RFX1: variants seen among roughly 807,000 people sequenced by gnomAD.
RFX1 encodes the protein regulatory factor X1, also known as MHC class II regulatory factor RFX1.
In RFX1, 42 loss-of-function variants were observed where a neutral mutation model predicts 119.6. The ratio of observed to expected loss-of-function variants is 0.35; its 90% CI spans 0.27 to 0.45. The LOEUF (loss-of-function observed/expected upper bound fraction) is 0.45. Among genes scored for constraint, RFX1 ranks in the 20% least tolerant of loss-of-function variants. The pLI is 1.00. For synonymous variants in RFX1, 628 were observed against 618.5 expected, an observed-to-expected ratio of 1.02 and a Z score of -0.23; for missense variants, 1,118 against 1,368.1, an observed-to-expected ratio of 0.82 and a Z score of 2.88.
intron 2 of RFX1, among the ~76,000 whole-genome samples, chr19:13,989,759 G>C (rs1381142462): frequency 6.6e-6 from 1 of 152,148 alleles, no homozygotes; most frequent in Non-Finnish European, 1.5e-5. Flanking sequence ...GATGTGACGG[G>C]ACCTAATGGA....
At chr19:13,988,799 T>C (rs2145608937) in intron 2 of RFX1, among the ~76,000 whole-genome samples, 1 of 152,278 alleles carries the variant, frequency 6.6e-6, no homozygotes, top group South Asian at 2.1e-4. Flanking sequence ...GGCAGGCAGA[T>C]TACTTGAGGT....
chr19:13,969,747 G>A lies in RFX1; in HGVS notation c.1496+247C>T, dbSNP rs1974015027. ...TGGGGGGTGTCGGGCAGGGGAGAGG[G>A]GGAGGCTGCAGTTTTAGTTGAGGCA... On this transcript the variant is annotated intron_variant, in intron 10 of 20. Coordinates refer to ENST00000254325, the MANE Select transcript of RFX1 (RefSeq NM_002918.5). This position sits in a 1 kb window ranked among gnomAD's most constrained non-coding sequence, Gnocchi z 4.5. 1 of 447,560 alleles carries A rather than the reference G, an allele frequency of 2.2e-6. No individual in the cohort carries two copies. 27.7% of individuals were successfully genotyped at this position (447,560 alleles called of 1,614,324 possible).
intron 2 of RFX1, among the ~76,000 whole-genome samples, chr19:13,987,470 G>C (rs1974641064): frequency 6.6e-6 from 1 of 152,072 alleles, no homozygotes; most frequent in Non-Finnish European, 1.5e-5. Context: ...CTGGGTCCCT[G>C]GTCAGCTCCG....
In RFX1 at chr19:13,982,373, G is replaced by A. The variant is rs112233332; in HGVS notation, c.514-145C>T. ...CGCCCTGACAGCCCTGATGAAGCTC[G>A]GCTACTGCCCCCACTTCACAGAGGG... On this transcript the variant is annotated intron_variant, in intron 4 of 20. Transcript: ENST00000254325. The A allele has an allele frequency of 4.2e-3, 1,709 of 408,306 alleles. 30 individuals are homozygous for A. The highest frequency in any genetic ancestry group is 0.032 in the African/African-American group (1,553 of 48,196). 25.3% of individuals were successfully genotyped at this position (408,306 alleles called of 1,614,324 possible).
At position 13,983,089 on chromosome 19, in the gene RFX1, C is replaced by T. The variant is rs1974478798; in HGVS notation, c.513+98G>A. 8.5e-6 allele frequency: 8 copies of T among 945,796 alleles called. No individual in the cohort carries two copies. The South Asian group carries it at 9.3e-5, about 11-fold the overall frequency. 58.6% of individuals were successfully genotyped at this position (945,796 alleles called of 1,614,324 possible). ...GCAGCCCCTGGATGGGGACTCTTCCCTCCATCCTGGTGAGGACAGATCCAG... is the reference window on the plus strand; with the variant it reads ...GCAGCCCCTGGATGGGGACTCTTCCTTCCATCCTGGTGAGGACAGATCCAG... On this transcript the variant is annotated intron_variant, in intron 4 of 20. Coordinates refer to ENST00000254325, the MANE Select transcript of RFX1 (RefSeq NM_002918.5).
rs1230396707 is a variant in RFX1, at chr19:13,993,893, T to C, written c.-50A>G. ...AAATAAGGCTTTTTTTTTTTTTTAA[T>C]TCCTTGGGAAGAAAGACGGGGATGG... On this transcript the variant is annotated splice_region_variant and 5_prime_UTR_variant, in exon 2 of 21. Transcript: ENST00000254325. 5 of 1,386,410 alleles carry C rather than the reference T, an allele frequency of 3.6e-6. No individual in the cohort carries two copies. The highest frequency in any genetic ancestry group is 5.0e-5 in the Admixed American group (2 of 40,306). The allele number at this position is 1,386,410 out of a possible 1,614,324, so 85.9% of individuals were successfully genotyped here.
chr19:13,969,733 G>C lies in RFX1; in HGVS notation c.1496+261C>G. 1 of 430,286 alleles carries C rather than the reference G, an allele frequency of 2.3e-6. No homozygotes were observed. The highest frequency in any genetic ancestry group is 4.1e-6 in the Non-Finnish European group (1 of 242,484). 26.7% of individuals were successfully genotyped at this position (430,286 alleles called of 1,614,324 possible). A position where few individuals can be genotyped will look rare whatever the true frequency, so the allele number is the denominator to read the frequency against. ...AAATAAAGCAGGGTTGGGGGGTGTCGGGCAGGGGAGAGGGGGAGGCTGCAG... is the reference window on the plus strand; with the variant it reads ...AAATAAAGCAGGGTTGGGGGGTGTCCGGCAGGGGAGAGGGGGAGGCTGCAG... On this transcript the variant is annotated intron_variant, in intron 10 of 20. Coordinates refer to ENST00000254325, the MANE Select transcript of RFX1 (RefSeq NM_002918.5). The surrounding 1 kb of genome is among the most constrained non-coding windows in gnomAD (Gnocchi z 4.5).
rs1973894205 is a variant in RFX1, at chr19:13,966,277, T to G, written c.1961+144A>C. 1.7e-6 allele frequency: 1 copy of G among 605,018 alleles called. No homozygotes were observed. The highest frequency in any genetic ancestry group is 2.8e-5 in the Admixed American group (1 of 35,456). 37.5% of individuals were successfully genotyped at this position (605,018 alleles called of 1,614,324 possible). On this transcript the variant is annotated intron_variant, in intron 14 of 20. Transcript: ENST00000254325. This position sits in a 1 kb window ranked among gnomAD's most constrained non-coding sequence, Gnocchi z 6.3. ...CCCCGACTGTTGAGTGTCGGGTGGCTATACACACTCCACACAGCCAAGGAT... is the reference window on the plus strand; with the variant it reads ...CCCCGACTGTTGAGTGTCGGGTGGCGATACACACTCCACACAGCCAAGGAT...
chr19:13,975,180 A>T (rs1382298641), intron 8 of RFX1, among the ~76,000 whole-genome samples: 1 of 151,618 alleles, frequency 6.6e-6, no homozygotes, highest in Non-Finnish European at 1.5e-5. Context: ...ACATGATGAA[A>T]CCCTCTCTCT....
chr19:13,994,584 G>A (rs1376303975), intron 1 of RFX1, among the ~76,000 whole-genome samples: 6 of 151,634 alleles, frequency 4.0e-5, no homozygotes, highest in Admixed American at 1.3e-4. Context: ...GCGTGGTGGT[G>A]CATGCCTGTA....
intron 8 of RFX1, among the ~76,000 whole-genome samples, chr19:13,973,379 A>G (rs1227571420): frequency 1.3e-5 from 2 of 152,128 alleles, no homozygotes; most frequent in South Asian, 2.1e-4. Context: ...TGGGAAGCAG[A>G]GGCAGGAGGA....
At position 13,969,601 on chromosome 19, in the gene RFX1, G is replaced by C. The variant is rs146864358; in HGVS notation, c.1496+393C>G. The C allele has an allele frequency of 1.1e-3, 192 of 175,958 alleles. 1 individual carries two copies. The highest frequency in any genetic ancestry group is 4.4e-3 in the African/African-American group (184 of 42,296). The allele number at this position is 175,958 out of a possible 1,614,324, so 10.9% of individuals were successfully genotyped here. ...TTGAACCCGTGAGGCAGAGGTTGCA[G>C]TGAGCCGAGATTGAGTCACTGCACT... On this transcript the variant is annotated intron_variant, in intron 10 of 20. Coordinates refer to ENST00000254325, the MANE Select transcript of RFX1 (RefSeq NM_002918.5). This position sits in a 1 kb window ranked among gnomAD's most constrained non-coding sequence, Gnocchi z 4.5.
Position 13,985,429 on chromosome 19 carries a change from G to A in RFX1, c.320-1834C>T, listed in dbSNP as rs1347444623. On this transcript the variant is annotated intron_variant, in intron 2 of 20. Transcript: ENST00000254325. The surrounding 1 kb of genome is among the most constrained non-coding windows in gnomAD (Gnocchi z 4.3). The stretch of plus-strand genomic sequence containing the variant: ...TGGCTTCAAGTGATCCGCCCGCCTC[G>A]GTCTCTCAAAGTGCTGGGATTACAG... Among the ~76,000 whole-genome samples the A allele has an allele frequency of 1.3e-5, 2 of 151,726 alleles. No individual in the cohort carries two copies. The highest frequency in any genetic ancestry group is 6.6e-5 in the Admixed American group (1 of 15,224).
At chr19:13,989,440 G>C (rs1378197698) in intron 2 of RFX1, among the ~76,000 whole-genome samples, 1 of 152,022 alleles carries the variant, frequency 6.6e-6, no homozygotes, top group Non-Finnish European at 1.5e-5. Context: ...GTGCAGTCTT[G>C]GCTCACTGCA....
intron 20 of RFX1, 23 bp from the exon 21 acceptor site, chr19:13,962,887 G>GA: frequency 6.5e-7 from 1 of 1,533,498 alleles, no homozygotes; most frequent in Non-Finnish European, 8.8e-7. Context: ...GACCAAGTCC[G>GA]GCTCGGGGCG....
In RFX1 at chr19:13,972,948, G is replaced by C; in HGVS notation, c.1109C>G (p.Thr370Ser). 1 of 1,599,500 alleles carries C rather than the reference G, an allele frequency of 6.3e-7. No individual in the cohort carries two copies. The highest frequency in any genetic ancestry group is 8.5e-7 in the Non-Finnish European group (1 of 1,179,404). The change falls in exon 9 of 21, where the codon ACC (threonine) becomes AGC (serine). Residue 370 changes from threonine (T) to serine (S), a missense_variant. By Grantham distance (58) the Thr-to-Ser change is moderately conservative (BLOSUM62 1). Transcript: ENST00000254325. ...VSGSQVVASS[T>S]STGAGASNSS... Reference sequence around the variant, plus strand: ...GTTGCTGGCCCCAGCCCCAGTGCTGGTGGAGCTGGCGACGACCTGGCTGCC... The same window carrying C: ...GTTGCTGGCCCCAGCCCCAGTGCTGCTGGAGCTGGCGACGACCTGGCTGCC...
Position 13,969,700 on chromosome 19 carries a change from A to C in RFX1, c.1496+294T>G. On this transcript the variant is annotated intron_variant, in intron 10 of 20. Coordinates refer to ENST00000254325, the MANE Select transcript of RFX1 (RefSeq NM_002918.5). This position sits in a 1 kb window ranked among gnomAD's most constrained non-coding sequence, Gnocchi z 4.5. ...GTCACGTGTGAGCGTGCTGAATGCT[A>C]AAGAGAAAAATAAAGCAGGGTTGGG... 1 of 349,528 alleles carries C rather than the reference A, an allele frequency of 2.9e-6. No individual in the cohort carries two copies. Among genetic ancestry groups the C allele is most frequent in the Non-Finnish European group, 5.2e-6 (1 of 192,496 alleles). The allele number at this position is 349,528 out of a possible 1,614,324, so 21.7% of individuals were successfully genotyped here. A position where few individuals can be genotyped will look rare whatever the true frequency, so the allele number is the denominator to read the frequency against.
At position 13,969,170 on chromosome 19, in the gene RFX1, G is replaced by A. The variant is rs1307757984; in HGVS notation, c.1497-276C>T. Among the ~76,000 whole-genome samples the A allele has an allele frequency of 6.6e-6, 1 of 152,188 alleles. No homozygotes were observed. Among genetic ancestry groups the A allele is most frequent in the Non-Finnish European group, 1.5e-5 (1 of 68,028 alleles). ...GCTGGGAATGGGAACCGAGACGTGA[G>A]CGGAGGTGAGCCATGGGGGTTGCAA... On this transcript the variant is annotated intron_variant, in intron 10 of 20. Coordinates refer to ENST00000254325, the MANE Select transcript of RFX1 (RefSeq NM_002918.5). The surrounding 1 kb of genome is among the most constrained non-coding windows in gnomAD (Gnocchi z 4.5).
chr19:13,968,814 T>C lies in RFX1; in HGVS notation c.1577A>G (p.His526Arg). 6.4e-7 allele frequency: 1 copy of C among 1,568,128 alleles called. No individual in the cohort carries two copies. Among genetic ancestry groups the C allele is most frequent in the Non-Finnish European group, 8.6e-7 (1 of 1,156,594 alleles). ...GAAGGGCTGGCCCCGCATGGCCATG[T>C]GCTGCTGGTCCTCCATCAGCCGCAG... ...PLLRLMEDQQ[H>R]MAMRGQPFSQ... Residue 526 changes from histidine (H) to arginine (R), a missense_variant, in exon 11 of 21, where the codon CAC becomes CGC. Transcript: ENST00000254325. This position sits in a 1 kb window ranked among gnomAD's most constrained non-coding sequence, Gnocchi z 5.5.
Sources: gnomAD v4.1 joint callset for allele counts (sites outside exome capture counted in the v4.1 genomes callset) on GRCh38, gnomAD v4.1.1 for gene constraint, Gnocchi (gnomAD v3.1) non-coding constraint, MANE v1.5 for transcripts, NCBI Gene and HGNC (gene_info 2026-07-23, HGNC 2026-07-21) for gene names.